Variants in CFAP299 observed in about 807,000 individuals in gnomAD.
CFAP299 encodes the protein cilia and flagella associated protein 299.
Under a neutral mutation model 27.0 loss-of-function variants are expected in CFAP299, and 21 were observed. That is an observed-to-expected ratio of 0.78 (90% CI 0.55 to 1.12). The LOEUF is 1.12. CFAP299 is among the 50% of genes most tolerant of loss of function. The pLI is 0.00. For synonymous variants in CFAP299, 104 were observed against 98.1 expected, an observed-to-expected ratio of 1.06 and a Z score of -0.36; for missense variants, 310 against 276.6, an observed-to-expected ratio of 1.12 and a Z score of -0.86.
intron 2 of CFAP299, among the ~76,000 whole-genome samples, chr4:80,496,201 C>T (rs543847221): frequency 7.2e-5 from 11 of 152,302 alleles, no homozygotes; most frequent in South Asian, 6.2e-4. Flanking sequence ...ATTTTTTAAA[C>T]GTCTACACTC....
At chr4:80,646,529 C>T (rs953885610) in intron 3 of CFAP299, among the ~76,000 whole-genome samples, 8 of 152,108 alleles carry the variant, frequency 5.3e-5, no homozygotes, top group Admixed American at 4.6e-4. Context: ...TATTAATTCT[C>T]TTGTATAAGC....
chr4:80,855,394 T>TA (rs1731792033), intron 3 of CFAP299, among the ~76,000 whole-genome samples: 1 of 151,846 alleles, frequency 6.6e-6, no homozygotes, highest in Non-Finnish European at 1.5e-5. Flanking sequence ...CTTATTTTCT[T>TA]TTTATTTATT....
chr4:80,659,669 C>G (rs1292539095), intron 3 of CFAP299, among the ~76,000 whole-genome samples: 1 of 152,040 alleles, frequency 6.6e-6, no homozygotes, highest in Non-Finnish European at 1.5e-5. Flanking sequence ...AACCAGATCA[C>G]TTATACAAGA....
At chr4:80,650,934 C>T (rs2109969240) in intron 3 of CFAP299, among the ~76,000 whole-genome samples, 1 of 151,964 alleles carries the variant, frequency 6.6e-6, no homozygotes, top group Admixed American at 6.6e-5. Flanking sequence ...GTGATGAGTG[C>T]ACCAAAATTT....
intron 3 of CFAP299, among the ~76,000 whole-genome samples, chr4:80,725,996 C>T (rs903474214): frequency 1.3e-5 from 2 of 152,196 alleles, no homozygotes; most frequent in African/African-American, 4.8e-5. Context: ...TTTTCTTTCA[C>T]CTCTGTAGAG....
chr4:80,835,619 T>C (rs1730522928), intron 3 of CFAP299, among the ~76,000 whole-genome samples: 1 of 152,186 alleles, frequency 6.6e-6, no homozygotes, highest in Admixed American at 6.5e-5. Context: ...TACATATAAT[T>C]ATACAAAGAA....
At chr4:80,801,066 A>G (rs1341195669) in intron 3 of CFAP299, among the ~76,000 whole-genome samples, 1 of 151,700 alleles carries the variant, frequency 6.6e-6, no homozygotes, top group Non-Finnish European at 1.5e-5. Flanking sequence ...TGCCTTTCCC[A>G]GCCCACTGAC....
chr4:80,401,734 G>T (rs755711409), intron 2 of CFAP299, among the ~76,000 whole-genome samples: 1 of 152,166 alleles, frequency 6.6e-6, no homozygotes, highest in Non-Finnish European at 1.5e-5. Context: ...GTGGAGCTGT[G>T]AAAAGAGGGC....
intron 3 of CFAP299, among the ~76,000 whole-genome samples, chr4:80,629,885 C>CA (rs35985770): frequency 0.62 from 90,224 of 144,868 alleles, 31,557 homozygotes; most frequent in Non-Finnish European, 0.78. Flanking sequence ...AAAAAAAAAA[C>CA]AAAAAAAACA....
intron 5 of CFAP299, among the ~76,000 whole-genome samples, chr4:80,951,878 A>G (rs1218088471): frequency 6.6e-6 from 1 of 152,214 alleles, no homozygotes; most frequent in Non-Finnish European, 1.5e-5. Context: ...CAGACTAGAA[A>G]GCACAGACCA....
rs191645235 is a variant in CFAP299, at chr4:80,934,045, T to A, written c.477-10765T>A. 2.6e-4 allele frequency among the ~76,000 whole-genome samples: 39 copies of A among 152,274 alleles called. No homozygotes were observed. The East Asian group carries it at 7.2e-3, about 28-fold the overall frequency. On this transcript the variant is annotated intron_variant, in intron 4 of 5. Coordinates refer to ENST00000358105, the MANE Select transcript of CFAP299 (RefSeq NM_152770.3). Reference sequence around the variant, plus strand: ...AAACTTTCGGATTTTCACCGTTTAATATGATGCTAGCTGTAGATTTGCTAT... The same window carrying A: ...AAACTTTCGGATTTTCACCGTTTAAAATGATGCTAGCTGTAGATTTGCTAT...
At chr4:80,520,388 A>G (rs1732851203) in intron 2 of CFAP299, among the ~76,000 whole-genome samples, 1 of 152,154 alleles carries the variant, frequency 6.6e-6, no homozygotes, top group Non-Finnish European at 1.5e-5. Context: ...TTCTGTGATA[A>G]CCTTCTCTGA....
chr4:80,843,070 A>G (rs1179220479), intron 3 of CFAP299, among the ~76,000 whole-genome samples: 1 of 150,748 alleles, frequency 6.6e-6, no homozygotes, highest in Non-Finnish European at 1.5e-5. Context: ...TTCTTTTTTT[A>G]TATATATATA....
At chr4:80,948,575 G>A (rs541078902) in intron 5 of CFAP299, among the ~76,000 whole-genome samples, 1 of 151,880 alleles carries the variant, frequency 6.6e-6, no homozygotes, top group Admixed American at 6.6e-5. Flanking sequence ...CTAACCATGG[G>A]ATAGTTTGCT....
At chr4:80,347,199 T>C (rs1356987222) in intron 1 of CFAP299, among the ~76,000 whole-genome samples, 1 of 152,164 alleles carries the variant, frequency 6.6e-6, no homozygotes, top group African/African-American at 2.4e-5. Flanking sequence ...TTTCTAAATA[T>C]ACAATCATGT....
chr4:80,688,767 C>A (rs541235075), intron 3 of CFAP299, among the ~76,000 whole-genome samples: 14 of 152,066 alleles, frequency 9.2e-5, no homozygotes, highest in African/African-American at 3.4e-4. Context: ...GACATTCAAA[C>A]CAAAGGCAAA....
At chr4:80,825,498 G>A (rs1047563044) in intron 3 of CFAP299, among the ~76,000 whole-genome samples, 1 of 151,890 alleles carries the variant, frequency 6.6e-6, no homozygotes, top group African/African-American at 2.4e-5. Flanking sequence ...AAAACAACAA[G>A]AGAGAAGCAA....
At position 80,591,105 on chromosome 4, in the gene CFAP299, A is replaced by ATTTTT. The variant is rs70944795; in HGVS notation, c.333+7944_333+7948dup. 7.1e-5 allele frequency among the ~76,000 whole-genome samples: 9 copies of ATTTTT among 126,858 alleles called. 1 individual carries two copies. Among genetic ancestry groups the ATTTTT allele is most frequent in the African/African-American group, 2.4e-4 (8 of 32,768 alleles). 83.2% of individuals were successfully genotyped at this position (126,858 alleles called of 152,430 possible). On this transcript the variant is annotated intron_variant, in intron 3 of 5. Coordinates refer to ENST00000358105, the MANE Select transcript of CFAP299 (RefSeq NM_152770.3). ...GAAACAGATTATAATACTTTAGGAA[A>ATTTTT]TTTTTTTTTTTTTTTTTTTTTTTTT...
At chr4:80,365,927 G>A (rs1723810435) in intron 2 of CFAP299, among the ~76,000 whole-genome samples, 1 of 152,138 alleles carries the variant, frequency 6.6e-6, no homozygotes, top group African/African-American at 2.4e-5. Context: ...AAGTCATCAG[G>A]CTACTTATGA....
Sources: gnomAD v4.1 joint callset for allele counts (sites outside exome capture counted in the v4.1 genomes callset) on GRCh38, gnomAD v4.1.1 for gene constraint, MANE v1.5 for transcripts, NCBI Gene and HGNC (gene_info 2026-07-23, HGNC 2026-07-21) for gene names.